The following HMMR variants were observed in gnomAD, a reference collection of about 807,000 sequenced individuals.
The protein encoded by HMMR is hyaluronan mediated motility receptor.
HMMR carries 108 observed loss-of-function variants against 101.0 expected under a neutral mutation model. The observed-to-expected ratio is 1.07, with a 90% CI of 0.92 to 1.25. The LOEUF (loss-of-function observed/expected upper bound fraction) is 1.25, where lower values mean the gene tolerates loss of function less well. Ranked by LOEUF, HMMR falls within the 50% of genes most tolerant of loss-of-function variation. The pLI, the probability that HMMR is intolerant of heterozygous loss-of-function variation, is 0.00. For synonymous variants in HMMR, 296 were observed against 276.4 expected (o/e 1.07, Z -0.70); for missense variants, 813 against 788.7 (o/e 1.03, Z -0.37).
Position 163,460,637 on chromosome 5 carries a change from G to C in HMMR, c.-56G>C. ...TGAAACCGGTAGGGAGTGATAATCC[G>C]CATTCAGTTGTCGAGGAGTGCCAGT... On this transcript the variant is annotated 5_prime_UTR_variant, in exon 1 of 18. Coordinates refer to ENST00000393915, the MANE Select transcript of HMMR (RefSeq NM_001142556.2). The C allele has an allele frequency of 2.0e-6, 3 of 1,502,144 alleles. No individual in the cohort carries two copies. The highest frequency in any genetic ancestry group is 2.7e-6 in the Non-Finnish European group (3 of 1,094,712). The allele number at this position is 1,502,144 out of a possible 1,614,324, so 93.1% of individuals were successfully genotyped here.
chr5:163,481,014 A>G lies in HMMR; in HGVS notation c.1386-1628A>G, dbSNP rs529378346. Among the ~76,000 whole-genome samples, 5 of 152,178 alleles carry G rather than the reference A, an allele frequency of 3.3e-5. No homozygotes were observed. The East Asian group carries it at 9.7e-4, about 29-fold the overall frequency. On this transcript the variant is annotated intron_variant, in intron 12 of 17. Coordinates refer to ENST00000393915, the MANE Select transcript of HMMR (RefSeq NM_001142556.2). ...TCTTTCTATCTCAAGGTGTAAAGAT[A>G]TTCAACCAGTTTTCTTCTAAAAGTC...
At position 163,474,222 on chromosome 5, in the gene HMMR, T is replaced by C. The variant is rs766905156; in HGVS notation, c.1053+17T>C. 3 of 1,585,978 alleles carry C rather than the reference T, an allele frequency of 1.9e-6. No homozygotes were observed. The Admixed American group carries it at 5.3e-5, about 28-fold the overall frequency. ...CAAGAGAAAGTAATTTACCACCATA[T>C]TTTTTTAAACTGTTCATTTTGTGTC... On this transcript the variant is annotated intron_variant, in intron 10 of 17. Transcript: ENST00000393915.
chr5:163,461,035 G>A (rs1758514125), intron 1 of HMMR, among the ~76,000 whole-genome samples: 1 of 152,194 alleles, frequency 6.6e-6, no homozygotes, highest in East Asian at 1.9e-4. Context: ...GAATGGACCC[G>A]AGACGTTGGT....
chr5:163,485,298 C>T (rs951936720), intron 16 of HMMR, among the ~76,000 whole-genome samples: 36 of 152,058 alleles, frequency 2.4e-4, no homozygotes, highest in African/African-American at 7.2e-4. Flanking sequence ...ATTCTACAGG[C>T]GGTGTACGAG....
At chr5:163,478,135 A>T (rs536544274) in intron 11 of HMMR, among the ~76,000 whole-genome samples, 1 of 152,338 alleles carries the variant, frequency 6.6e-6, no homozygotes, top group South Asian at 2.1e-4. Flanking sequence ...ATTTAATAGC[A>T]TATGTATATA....
Position 163,491,354 on chromosome 5 carries a change from C to T in HMMR, c.*190C>T, listed in dbSNP as rs947544636. ...ATTTTTTCTTGCAAATACCTCCTCC[C>T]TAATGCTCACCTTTATCACCTCATT... On this transcript the variant is annotated 3_prime_UTR_variant, in exon 18 of 18. Transcript: ENST00000393915. 6.2e-6 allele frequency: 3 copies of T among 483,908 alleles called. No individual in the cohort carries two copies. The highest frequency in any genetic ancestry group is 1.1e-5 in the Non-Finnish European group (3 of 276,512). 30.0% of individuals were successfully genotyped at this position (483,908 alleles called of 1,614,324 possible). A position where few individuals can be genotyped will look rare whatever the true frequency, so the allele number is the denominator to read the frequency against.
intron 6 of HMMR, 39 bp downstream of exon 6, chr5:163,471,310 T>G: frequency 3.7e-6 from 6 of 1,605,388 alleles, no homozygotes; most frequent in Non-Finnish European, 5.1e-6. Flanking sequence ...TGTCTGGATC[T>G]GGGGATCAGT....
At chr5:163,478,394 C>T (rs1759138384) in intron 11 of HMMR, among the ~76,000 whole-genome samples, 1 of 152,088 alleles carries the variant, frequency 6.6e-6, no homozygotes, top group Non-Finnish European at 1.5e-5. Flanking sequence ...GTCTTTAGTC[C>T]TGGCTAGTAT....
Position 163,484,159 on chromosome 5 carries a change from T to C in HMMR, c.1876T>C (p.Tyr626His). Residue 626 changes from tyrosine to histidine, a missense_variant, in exon 16 of 18, where the codon TAT becomes CAT. Coordinates refer to ENST00000393915, the MANE Select transcript of HMMR (RefSeq NM_001142556.2). ...ACAGCTAAATAAAATAAGAGATTCATATGCTAAATTATTGGGTCATCAGAA... is the reference window on the plus strand; with the variant it reads ...ACAGCTAAATAAAATAAGAGATTCACATGCTAAATTATTGGGTCATCAGAA... Reference protein sequence around the residue: ...QEQLNKIRDSYAKLLGHQNLK... With the variant: ...QEQLNKIRDSHAKLLGHQNLK... The C allele has an allele frequency of 1.2e-6, 2 of 1,603,690 alleles. No individual in the cohort carries two copies. The highest frequency in any genetic ancestry group is 1.7e-6 in the Non-Finnish European group (2 of 1,172,234).
chr5:163,469,896 G>A lies in HMMR; in HGVS notation c.462+67G>A, dbSNP rs146993678. ...AAACACGTTTTTTAGGGCCGGGCAC[G>A]GTGGCTCACGCCTGTGTTCCCAGCA... On this transcript the variant is annotated intron_variant, in intron 5 of 17. Coordinates refer to ENST00000393915, the MANE Select transcript of HMMR (RefSeq NM_001142556.2). The A allele has an allele frequency of 1.7e-4, 187 of 1,100,900 alleles. No individual in the cohort carries two copies. In the African/African-American group the frequency reaches 2.3e-3, roughly 14 times the overall value. The allele number at this position is 1,100,900 out of a possible 1,614,324, so 68.2% of individuals were successfully genotyped here. A position where few individuals can be genotyped will look rare whatever the true frequency, so the allele number is the denominator to read the frequency against.
At chr5:163,473,581 T>G (rs1420512745) in intron 9 of HMMR, 24 bp downstream of exon 9, 1 of 1,440,284 alleles carries the variant, frequency 6.9e-7, no homozygotes, top group East Asian at 2.3e-5. Flanking sequence ...TTATAGTTAC[T>G]TTGTTTAGAT....
chr5:163,469,182 G>T (rs970192058), intron 4 of HMMR, among the ~76,000 whole-genome samples: 17 of 151,544 alleles, frequency 1.1e-4, no homozygotes, highest in African/African-American at 3.4e-4. Flanking sequence ...GGCTAATATG[G>T]TGAAACCCCG....
chr5:163,484,525 A>T (rs985140960), intron 16 of HMMR, among the ~76,000 whole-genome samples: 5 of 151,930 alleles, frequency 3.3e-5, no homozygotes, highest in Non-Finnish European at 7.4e-5. Context: ...AAAACTGCAA[A>T]CTCCTTGATG....
intron 12 of HMMR, 140 bp downstream of exon 12, chr5:163,478,940 G>A: frequency 1.8e-6 from 1 of 559,676 alleles, no homozygotes; most frequent in Non-Finnish European, 3.3e-6. Flanking sequence ...CCGTAAGTGG[G>A]CATTTAGCAT....
In HMMR at chr5:163,482,744, G is replaced by C. The variant is rs746928079; in HGVS notation, c.1488G>C (p.Gln496His). ...CTGGGAAAAATGCAGAGGATGTTCA[G>C]CATCAGATTTTGGCAACTGAGAGCT... The part of the protein sequence containing the change: ...AKAGKNAEDV[Q>H]HQILATESSN... The change falls in exon 13 of 18, where the codon CAG (glutamine) becomes CAC (histidine). Residue 496 changes from glutamine to histidine, a missense_variant. By Grantham distance (24) the Gln-to-His change is conservative. Transcript: ENST00000393915. The C allele has an allele frequency of 1.2e-6, 2 of 1,613,896 alleles. No individual in the cohort carries two copies. Among genetic ancestry groups the C allele is most frequent in the Non-Finnish European group, 1.7e-6 (2 of 1,179,812 alleles).
At chr5:163,475,346 G>T in intron 10 of HMMR, 112 bp from the exon 11 acceptor site, 1 of 558,252 alleles carries the variant, frequency 1.8e-6, no homozygotes. Flanking sequence ...AAGTTTCCTT[G>T]AATCTGTTGA....
chr5:163,472,436 C>A (rs1243463206), intron 7 of HMMR, among the ~76,000 whole-genome samples: 2 of 151,960 alleles, frequency 1.3e-5, no homozygotes, highest in African/African-American at 2.4e-5. Flanking sequence ...TTTTTATGGA[C>A]ACGTTTTTAT....
rs749805544 is a variant in HMMR, at chr5:163,484,132, G to A, written c.1849G>A (p.Glu617Lys). 6.9e-6 allele frequency: 11 copies of A among 1,604,608 alleles called. No individual in the cohort carries two copies. The highest frequency in any genetic ancestry group is 1.7e-4 in the Middle Eastern group (1 of 6,036). Residue 617 changes from glutamate (E) to lysine (K), a missense_variant, in exon 16 of 18, where the codon GAA (glutamate) becomes AAA (lysine). Coordinates refer to ENST00000393915, the MANE Select transcript of HMMR (RefSeq NM_001142556.2). ...ALLNEHGAAQ[E>K]QLNKIRDSYA... is the part of the protein sequence containing the mutation. Reference sequence around the variant, plus strand: ...GTTGAATGAACATGGTGCAGCTCAGGAACAGCTAAATAAAATAAGAGATTC... The same window carrying A: ...GTTGAATGAACATGGTGCAGCTCAGAAACAGCTAAATAAAATAAGAGATTC...
rs1473485232 is a variant in HMMR at position 163,469,694 on chromosome 5, G to A, written c.327G>A (p.Leu109=). ...CCCAGGACAGGCGGATCCAGGATCT[G>A]GAAACTGAGTTGGAAAAGATGGAAG... The part of the protein sequence containing the change: ...RGAQDRRIQD[L]ETELEKMEAR... The change falls in exon 5 of 18, where the codon CTG becomes CTA. Residue 109 remains leucine, a synonymous_variant. Transcript: ENST00000393915. The A allele has an allele frequency of 2.5e-6, 4 of 1,613,914 alleles. No homozygotes were observed. In the Admixed American group the frequency reaches 6.7e-5, roughly 27 times the overall value.
Sources: allele counts gnomAD v4.1 joint callset (sites outside exome capture counted in the v4.1 genomes callset), GRCh38; gene constraint gnomAD v4.1.1; transcripts MANE v1.5; gene names NCBI Gene and HGNC (gene_info 2026-07-23, HGNC 2026-07-21).